The following YAF2 variants were observed in gnomAD, a reference collection of about 807,000 sequenced individuals.
YAF2 encodes YY1-associated factor 2.
In YAF2, 7 loss-of-function variants were observed where a neutral mutation model predicts 20.1. The ratio of observed to expected loss-of-function variants is 0.35; its 90% CI spans 0.20 to 0.65. The LOEUF (loss-of-function observed/expected upper bound fraction) is 0.65. Among genes scored for constraint, YAF2 ranks in the 30% least tolerant of loss-of-function variants. The probability of loss-of-function intolerance (pLI) is 0.69; values close to 1 mark genes in which losing one functional copy is unlikely to be tolerated. For synonymous variants in YAF2, 74 were observed against 76.0 expected, an observed-to-expected ratio of 0.97 and a Z score of 0.14; for missense variants, 151 against 219.2, an observed-to-expected ratio of 0.69 and a Z score of 1.96.
At chr12:42,219,770 A>T (rs1443793993) in intron 2 of YAF2, among the ~76,000 whole-genome samples, 1 of 152,180 alleles carries the variant, frequency 6.6e-6, no homozygotes. Flanking sequence ...TGTGCATATA[A>T]ATAACCTAAA....
chr12:42,189,043 CT>C (rs2066545448), intron 2 of YAF2, among the ~76,000 whole-genome samples: 1 of 152,124 alleles, frequency 6.6e-6, no homozygotes, highest in African/African-American at 2.4e-5. Context: ...TCAGGAAAGC[CT>C]TCCTGTAGAG....
chr12:42,204,353 C>T (rs890555162), intron 2 of YAF2, among the ~76,000 whole-genome samples: 3 of 152,174 alleles, frequency 2.0e-5, no homozygotes, highest in African/African-American at 7.2e-5. Flanking sequence ...ATAGATTCAA[C>T]CAATTGCAGA....
Position 42,232,705 on chromosome 12 carries a change from G to A in YAF2, c.152+4894C>T, listed in dbSNP as rs1297930378. ...ATCAGTGCCAAACCTCAAATTTGAAGACATAAAGCAAGTATGACAAGAAAA... is the reference window on the plus strand; with the variant it reads ...ATCAGTGCCAAACCTCAAATTTGAAAACATAAAGCAAGTATGACAAGAAAA... On this transcript the variant is annotated intron_variant, in intron 2 of 3. Transcript: ENST00000534854. The A allele has an allele frequency of 6.1e-6, 6 of 985,214 alleles. No homozygotes were observed. The Admixed American group carries it at 3.1e-4, about 51-fold the overall frequency. The allele number at this position is 985,214 out of a possible 1,614,324, so 61.0% of individuals were successfully genotyped here. A position where few individuals can be genotyped will look rare whatever the true frequency, so the allele number is the denominator to read the frequency against.
chr12:42,193,608 G>C (rs2066672897), intron 2 of YAF2, among the ~76,000 whole-genome samples: 1 of 152,168 alleles, frequency 6.6e-6, no homozygotes, highest in Non-Finnish European at 1.5e-5. Flanking sequence ...CTGGGCTCAA[G>C]TGATCCTCCC....
rs1430757061 is a variant in YAF2, at chr12:42,160,618, C to A, written c.514G>T (p.Ala172Ser). 1.2e-6 allele frequency: 2 copies of A among 1,613,568 alleles called. No individual in the cohort carries two copies. The highest frequency in any genetic ancestry group is 1.7e-6 in the Non-Finnish European group (2 of 1,179,806). ...TGAGATTCTCCATTCAATGATGAGG[C>A]TTCTCCTCTGGGTGAAGATGACCTG... ...MSRSSSPRGEASSLNGESH is the reference protein window; with the variant it reads ...MSRSSSPRGESSSLNGESH Residue 172 changes from alanine to serine, a missense_variant, in exon 4 of 4, where the codon GCC (alanine) becomes TCC (serine). This residue lies in a region of YAF2 where 51 missense variants were observed against 48.9 expected (regional missense o/e 1.04). Coordinates refer to ENST00000534854, the MANE Select transcript of YAF2 (RefSeq NM_005748.6).
chr12:42,227,117 A>G (rs1348053065), intron 2 of YAF2, among the ~76,000 whole-genome samples: 1 of 145,550 alleles, frequency 6.9e-6, no homozygotes, highest in Non-Finnish European at 1.5e-5. Flanking sequence ...GAGCTGTCTC[A>G]GTCTTTGCCG....
intron 2 of YAF2, among the ~76,000 whole-genome samples, chr12:42,177,798 T>C (rs2066234875): frequency 6.6e-6 from 1 of 152,174 alleles, no homozygotes; most frequent in African/African-American, 2.4e-5. Context: ...TTTATTCTTT[T>C]TTTACTGTAT....
At chr12:42,183,130 T>G (rs2066386787) in intron 2 of YAF2, among the ~76,000 whole-genome samples, 1 of 152,176 alleles carries the variant, frequency 6.6e-6, no homozygotes, top group Non-Finnish European at 1.5e-5. Flanking sequence ...CCCACACCTG[T>G]ATATGACAGT....
intron 2 of YAF2, among the ~76,000 whole-genome samples, chr12:42,214,269 T>C (rs1490032124): frequency 2.6e-5 from 4 of 152,176 alleles, no homozygotes; most frequent in Admixed American, 2.6e-4. Flanking sequence ...CTTTCACAAA[T>C]ACCTCCTCTT....
chr12:42,185,406 G>T (rs940205783), intron 2 of YAF2, among the ~76,000 whole-genome samples: 1 of 152,196 alleles, frequency 6.6e-6, no homozygotes, highest in Non-Finnish European at 1.5e-5. Context: ...AAACTTAATT[G>T]ATAAAGAAGC....
At chr12:42,162,990 G>A (rs2065832796) in intron 2 of YAF2, among the ~76,000 whole-genome samples, 1 of 152,118 alleles carries the variant, frequency 6.6e-6, no homozygotes, top group Admixed American at 6.5e-5. Context: ...AAAAAGAAAA[G>A]GGTTAAGGTG....
intron 2 of YAF2, among the ~76,000 whole-genome samples, chr12:42,208,897 G>A: frequency 6.6e-6 from 1 of 152,218 alleles, no homozygotes; most frequent in East Asian, 1.9e-4. Flanking sequence ...GAGGCCTCAA[G>A]TATCCAGCAA....
At chr12:42,236,049 CAAGAA>C (rs1017490001) in intron 2 of YAF2, 1 of 1,529,082 alleles carries the variant, frequency 6.5e-7, no homozygotes, top group Non-Finnish European at 8.8e-7. Context: ...CTAATGGCTA[CAAGAA>C]AATAGAGAGG....
intron 2 of YAF2, among the ~76,000 whole-genome samples, chr12:42,181,860 A>G: frequency 6.6e-6 from 1 of 152,182 alleles, no homozygotes; most frequent in East Asian, 1.9e-4. Flanking sequence ...GAAGCGTAGT[A>G]ATAAGTATCT....
At chr12:42,165,884 A>ATATC (rs548540208) in intron 2 of YAF2, among the ~76,000 whole-genome samples, 2,305 of 146,912 alleles carry the variant, frequency 0.016, 54 homozygotes, top group African/African-American at 0.055. Flanking sequence ...AATTCTATCT[A>ATATC]TATCTATCTA....
chr12:42,160,985 TCATTAA>T, intron 3 of YAF2, 159 bp from the exon 4 acceptor site: 1 of 612,878 alleles, frequency 1.6e-6, no homozygotes, highest in Non-Finnish European at 2.8e-6. Flanking sequence ...ATGTTTCAAC[TCATTAA>T]CATTAATCAA....
In YAF2 at chr12:42,233,702, G is replaced by A. The variant is rs530690108; in HGVS notation, c.152+3897C>T. 16 of 846,462 alleles carry A rather than the reference G, an allele frequency of 1.9e-5. No homozygotes were observed. In the East Asian group the frequency reaches 6.2e-4, roughly 33 times the overall value. 52.4% of individuals were successfully genotyped at this position (846,462 alleles called of 1,614,324 possible). A position where few individuals can be genotyped will look rare whatever the true frequency, so the allele number is the denominator to read the frequency against. On this transcript the variant is annotated intron_variant, in intron 2 of 3. Transcript: ENST00000534854. Reference sequence around the variant, plus strand: ...AATTTTTTTAATTTTTAGTAGAGACGAGATCTCACTGTGTTGCCCAGGTTG... The same window carrying A: ...AATTTTTTTAATTTTTAGTAGAGACAAGATCTCACTGTGTTGCCCAGGTTG...
intron 2 of YAF2, among the ~76,000 whole-genome samples, chr12:42,197,356 T>C (rs1478061030): frequency 1.3e-5 from 2 of 152,300 alleles, no homozygotes; most frequent in Middle Eastern, 3.4e-3. Flanking sequence ...CTAGGGGCAA[T>C]GAAGTTAAAT....
intron 2 of YAF2, among the ~76,000 whole-genome samples, chr12:42,171,371 C>T (rs1394578207): frequency 6.6e-6 from 1 of 151,926 alleles, no homozygotes; most frequent in African/African-American, 2.4e-5. Flanking sequence ...GCCTGTAGTC[C>T]CAGTCACTCA....
Sources: allele counts gnomAD v4.1 joint callset (sites outside exome capture counted in the v4.1 genomes callset), GRCh38; gene constraint gnomAD v4.1.1; regional missense constraint gnomAD v4.1.1; transcripts MANE v1.5; gene names NCBI Gene and HGNC (gene_info 2026-07-23, HGNC 2026-07-21).